Variants in PTPRT observed in about 807,000 individuals in gnomAD.
PTPRT encodes receptor-type tyrosine-protein phosphatase T.
Under a neutral mutation model 176.8 loss-of-function variants are expected in PTPRT, and 56 were observed. That is an observed-to-expected ratio of 0.32 (90% confidence interval 0.26 to 0.40). The LOEUF is 0.40. PTPRT is among the 10% of genes least tolerant of loss of function. PTPRT has a pLI of 1.00. For synonymous variants in PTPRT, 783 were observed against 739.0 expected, an observed-to-expected ratio of 1.06 and a Z score of -0.96; for missense variants, 1,540 against 1,908.2, an observed-to-expected ratio of 0.81 and a Z score of 3.60.
At chr20:42,467,723 G>A (rs1254543234) in intron 8 of PTPRT, among the ~76,000 whole-genome samples, 1 of 151,994 alleles carries the variant, frequency 6.6e-6, no homozygotes, top group African/African-American at 2.4e-5. Context: ...CACCTATCAT[G>A]TAGATATAAG....
At chr20:42,754,394 C>G (rs1158048265) in intron 6 of PTPRT, among the ~76,000 whole-genome samples, 1 of 151,884 alleles carries the variant, frequency 6.6e-6, no homozygotes, top group Admixed American at 6.6e-5. Context: ...CCATGTTGGC[C>G]AGGCTGGTCT....
chr20:42,497,122 T>C (rs954957677), intron 7 of PTPRT, among the ~76,000 whole-genome samples: 3 of 152,184 alleles, frequency 2.0e-5, no homozygotes, highest in Admixed American at 6.5e-5. Context: ...ATCAGAAGTC[T>C]AGCAGCTGGT....
intron 27 of PTPRT, among the ~76,000 whole-genome samples, chr20:42,091,297 T>A (rs6029961): frequency 0.026 from 3,972 of 152,280 alleles, 164 homozygotes; most frequent in African/African-American, 0.09. Context: ...ATATAACAAA[T>A]GCAGAGGTAG....
chr20:43,183,418 G>A (rs1420043071), intron 1 of PTPRT, among the ~76,000 whole-genome samples: 1 of 152,204 alleles, frequency 6.6e-6, no homozygotes, highest in Non-Finnish European at 1.5e-5. Flanking sequence ...AAAAGATGCA[G>A]AGCACTGAAG....
chr20:42,428,386 G>C (rs566782609), intron 9 of PTPRT, among the ~76,000 whole-genome samples: 1 of 152,280 alleles, frequency 6.6e-6, no homozygotes, highest in South Asian at 2.1e-4. Context: ...TTCATGAACT[G>C]CCATGGTTCT....
intron 14 of PTPRT, among the ~76,000 whole-genome samples, chr20:42,244,249 A>G (rs534477365): frequency 6.6e-6 from 1 of 152,352 alleles, no homozygotes; most frequent in East Asian, 1.9e-4. Context: ...ACTGAGAGCT[A>G]CTGGAGGGCA....
intron 6 of PTPRT, chr20:42,685,866 G>A (rs1444673362): frequency 6.6e-6 from 1 of 152,024 alleles, no homozygotes; most frequent in African/African-American, 2.4e-5. Context: ...TTTTACATCT[G>A]GATGTGACCT....
intron 7 of PTPRT, among the ~76,000 whole-genome samples, chr20:42,554,493 G>T (rs1475982711): frequency 1.3e-5 from 2 of 152,124 alleles, no homozygotes; most frequent in Non-Finnish European, 2.9e-5. Context: ...TCACTGCTCA[G>T]CACAGGTCCC....
chr20:42,814,502 T>C (rs2077749081), intron 2 of PTPRT, among the ~76,000 whole-genome samples: 1 of 152,204 alleles, frequency 6.6e-6, no homozygotes, highest in Non-Finnish European at 1.5e-5. Context: ...TCAATAAATG[T>C]AGTTATGAAT....
chr20:42,380,295 C>A (rs923453817), intron 9 of PTPRT, among the ~76,000 whole-genome samples: 3 of 152,170 alleles, frequency 2.0e-5, no homozygotes, highest in Non-Finnish European at 4.4e-5. Context: ...AGCACTGTCT[C>A]CTAAAATGGC....
chr20:42,185,987 G>T (rs139220143), intron 16 of PTPRT, among the ~76,000 whole-genome samples: 1 of 151,932 alleles, frequency 6.6e-6, no homozygotes, highest in Admixed American at 6.6e-5. Context: ...TTTGCAAACC[G>T]CAGTTGTTGC....
At chr20:42,714,888 C>T (rs2076200155) in intron 6 of PTPRT, among the ~76,000 whole-genome samples, 1 of 152,078 alleles carries the variant, frequency 6.6e-6, no homozygotes, top group South Asian at 2.1e-4. Context: ...ATTGGCTGGC[C>T]TGCATATTTG....
chr20:42,089,460 G>A (rs1984379159), intron 27 of PTPRT, among the ~76,000 whole-genome samples: 1 of 152,158 alleles, frequency 6.6e-6, no homozygotes, highest in Non-Finnish European at 1.5e-5. Context: ...CTTCAGTCTG[G>A]AGAGAATGTG....
intron 1 of PTPRT, among the ~76,000 whole-genome samples, chr20:43,045,304 G>A (rs2146220452): frequency 6.6e-6 from 1 of 152,178 alleles, no homozygotes; most frequent in African/African-American, 2.4e-5. Context: ...GAGCTAACTG[G>A]TACTGACACA....
chr20:42,145,306 C>A (rs902487786), intron 17 of PTPRT, among the ~76,000 whole-genome samples: 1 of 152,106 alleles, frequency 6.6e-6, no homozygotes, highest in African/African-American at 2.4e-5. Context: ...TCAAGACCAG[C>A]CTGGTCAATA....
chr20:42,472,235 A>T (rs769355268), intron 8 of PTPRT, 31 bp downstream of exon 8: 12 of 1,601,046 alleles, frequency 7.5e-6, no homozygotes, highest in Admixed American at 6.8e-5. Context: ...CAATATCCCC[A>T]TTCCCATGTA....
intron 7 of PTPRT, among the ~76,000 whole-genome samples, chr20:42,662,812 A>G (rs2075247122): frequency 7.2e-6 from 1 of 139,694 alleles, no homozygotes; most frequent in East Asian, 2.1e-4. Flanking sequence ...GTACTGTCCA[A>G]AAATGTCAAT....
chr20:42,836,488 G>A (rs759421588), intron 2 of PTPRT, among the ~76,000 whole-genome samples: 20 of 152,174 alleles, frequency 1.3e-4, no homozygotes, highest in African/African-American at 2.4e-4. Flanking sequence ...TTGGCAATGC[G>A]GAACCAAGCA....
intron 1 of PTPRT, among the ~76,000 whole-genome samples, chr20:43,099,067 G>A (rs1031037702): frequency 2.0e-5 from 3 of 151,838 alleles, no homozygotes; most frequent in East Asian, 3.9e-4. Context: ...TGTCTACCTC[G>A]GGTGATGGCA....
Sources: gnomAD v4.1 joint callset for allele counts (sites outside exome capture counted in the v4.1 genomes callset) on GRCh38, gnomAD v4.1.1 for gene constraint, MANE v1.5 for transcripts, NCBI Gene and HGNC (gene_info 2026-07-23, HGNC 2026-07-21) for gene names.